The following NUP133 variants were observed in gnomAD, a reference collection of about 807,000 sequenced individuals.
The protein encoded by NUP133 is nucleoporin 133, also known as nuclear pore complex protein Nup133.
In NUP133, 66 loss-of-function variants were observed where a neutral mutation model predicts 146.2. That is an observed-to-expected ratio of 0.45 (90% CI 0.37 to 0.55). The LOEUF is 0.55. Among genes scored for constraint, NUP133 ranks in the 20% least tolerant of loss-of-function variants. The pLI is 0.00. For missense variants in NUP133, 1,277 were observed against 1,374.8 expected (o/e 0.93, Z 1.12); for synonymous variants, 521 against 498.8 (o/e 1.04, Z -0.59).
At chr1:229,447,454 A>C (rs1000204729) in intron 24 of NUP133, among the ~76,000 whole-genome samples, 1 of 151,284 alleles carries the variant, frequency 6.6e-6, no homozygotes. Flanking sequence ...AATCCTTAGG[A>C]TCTCCATAGA....
chr1:229,477,880 G>A (rs972364006), intron 12 of NUP133, 120 bp from the exon 13 acceptor site: 45 of 683,442 alleles, frequency 6.6e-5, no homozygotes, highest in African/African-American at 5.4e-4. Context: ...CCTGTCATTC[G>A]CAACAGTAGG....
Position 229,490,118 on chromosome 1 carries a change from G to A in NUP133, c.1047-16C>T, listed in dbSNP as rs756241989. 6.6e-7 allele frequency: 1 copy of A among 1,523,996 alleles called. No individual in the cohort carries two copies. The highest frequency in any genetic ancestry group is 8.8e-7 in the Non-Finnish European group (1 of 1,130,898). The allele number at this position is 1,523,996 out of a possible 1,614,324, so 94.4% of individuals were successfully genotyped here. A position where few individuals can be genotyped will look rare whatever the true frequency, so the allele number is the denominator to read the frequency against. On this transcript the variant is annotated splice_polypyrimidine_tract_variant and intron_variant, in intron 8 of 25. Coordinates refer to ENST00000261396, the MANE Select transcript of NUP133 (RefSeq NM_018230.3). ...CAGCCCATCACTAATCAATAAAAAA[G>A]GAAGATGTAAAGCCTCTCTAAAAAA...
intron 2 of NUP133, among the ~76,000 whole-genome samples, chr1:229,505,329 G>A: frequency 6.6e-6 from 1 of 151,854 alleles, no homozygotes; most frequent in Non-Finnish European, 1.5e-5. Flanking sequence ...CATCTTTACT[G>A]TTCCTAATTT....
At chr1:229,473,518 C>G (rs1389032570) in intron 14 of NUP133, among the ~76,000 whole-genome samples, 2 of 152,102 alleles carry the variant, frequency 1.3e-5, no homozygotes, top group African/African-American at 4.8e-5. Context: ...GGCTTTCGGG[C>G]CTCTGATAAA....
chr1:229,507,629 T>A (rs1661978010), intron 1 of NUP133, among the ~76,000 whole-genome samples: 1 of 152,242 alleles, frequency 6.6e-6, no homozygotes, highest in Non-Finnish European at 1.5e-5. Context: ...ATGTTAGGCA[T>A]TAAACAATGA....
chr1:229,459,671 T>C (rs756291609), intron 20 of NUP133, among the ~76,000 whole-genome samples: 2 of 152,256 alleles, frequency 1.3e-5, no homozygotes, highest in African/African-American at 2.4e-5. Flanking sequence ...GCTTCATCAA[T>C]GCTGTTGCAA....
chr1:229,487,118 CTCT>C (rs1661371322), intron 10 of NUP133, among the ~76,000 whole-genome samples: 1 of 152,090 alleles, frequency 6.6e-6, no homozygotes, highest in African/African-American at 2.4e-5. Context: ...GCACCTGAAG[CTCT>C]TCTTATCTAG....
chr1:229,471,548 T>C (rs1049085090), intron 14 of NUP133, among the ~76,000 whole-genome samples: 1 of 152,138 alleles, frequency 6.6e-6, no homozygotes, highest in African/African-American at 2.4e-5. Context: ...GGTGGGGGTG[T>C]CTCTAACCCT....
chr1:229,447,583 G>A (rs1293163432), intron 24 of NUP133, among the ~76,000 whole-genome samples: 1 of 151,816 alleles, frequency 6.6e-6, no homozygotes, highest in Admixed American at 6.6e-5. Flanking sequence ...TTTCAGCCCT[G>A]TTCCTCAATA....
At chr1:229,496,646 T>C (rs1661663908) in intron 6 of NUP133, among the ~76,000 whole-genome samples, 1 of 152,118 alleles carries the variant, frequency 6.6e-6, no homozygotes, top group Non-Finnish European at 1.5e-5. Context: ...TACATTGGAA[T>C]GTAGATGACA....
chr1:229,452,526 C>G lies in NUP133; in HGVS notation c.3098G>C (p.Gly1033Ala). The G allele has an allele frequency of 1.2e-6, 2 of 1,609,212 alleles. No individual in the cohort carries two copies. The highest frequency in any genetic ancestry group is 1.7e-6 in the Non-Finnish European group (2 of 1,176,564). Residue 1033 changes from glycine to alanine, a missense_variant and splice_region_variant, in exon 22 of 26, where the codon GGT (glycine) becomes GCT (alanine). By Grantham distance (60) the Gly-to-Ala change is moderately conservative (BLOSUM62 0). Coordinates refer to ENST00000261396, the MANE Select transcript of NUP133 (RefSeq NM_018230.3). The part of the protein sequence containing the change: ...MPVLTAPQLI[G>A]LYICEENRRA... ...GTTAAGGATTTGAAAAGCACATACA[C>G]CAATGAGTTGTGGTGCAGTCAATAC...
chr1:229,486,087 G>C (rs760819153), intron 11 of NUP133, among the ~76,000 whole-genome samples: 1 of 152,192 alleles, frequency 6.6e-6, no homozygotes, highest in East Asian at 1.9e-4. Flanking sequence ...GCTTGATCCC[G>C]GGAGGTTGAG....
chr1:229,454,484 G>A lies in NUP133; in HGVS notation c.2981-1841C>T, dbSNP rs74719874. Among the ~76,000 whole-genome samples the A allele has an allele frequency of 1.4e-3, 219 of 152,280 alleles. 5 individuals carry two copies. The East Asian group carries it at 0.031, about 21-fold the overall frequency. On this transcript the variant is annotated intron_variant, in intron 21 of 25. Transcript: ENST00000261396. Reference sequence around the variant, plus strand: ...CAAAACAGTACCAGTGGCTATCTCCGGGGAGGTAGGACTACAGACAACTTA... The same window carrying A: ...CAAAACAGTACCAGTGGCTATCTCCAGGGAGGTAGGACTACAGACAACTTA...
At chr1:229,505,564 T>TAAAAAAAAA (rs56383157) in intron 2 of NUP133, among the ~76,000 whole-genome samples, 2 of 63,242 alleles carry the variant, frequency 3.2e-5, no homozygotes, top group African/African-American at 5.9e-5. Flanking sequence ...CAATTACAGT[T>TAAAAAAAAA]AAAAAAAAAA....
intron 2 of NUP133, 64 bp from the exon 3 acceptor site, chr1:229,502,166 A>G: frequency 1.6e-6 from 2 of 1,262,264 alleles, no homozygotes; most frequent in South Asian, 2.5e-5. Context: ...CACACGCTTT[A>G]TCAAAAAAAA....
Position 229,506,174 on chromosome 1 carries a change from T to C in NUP133, c.183-16A>G. Reference sequence around the variant, plus strand: ...TGGTGTTCCCCTAAAGAAAAGAGTCTATATTACCTTACTTGTAACTTAAAA... The same window carrying C: ...TGGTGTTCCCCTAAAGAAAAGAGTCCATATTACCTTACTTGTAACTTAAAA... On this transcript the variant is annotated splice_polypyrimidine_tract_variant and intron_variant, in intron 1 of 25. Coordinates refer to ENST00000261396, the MANE Select transcript of NUP133 (RefSeq NM_018230.3). 1 of 1,395,460 alleles carries C rather than the reference T, an allele frequency of 7.2e-7. No homozygotes were observed. The highest frequency in any genetic ancestry group is 1.0e-6 in the Non-Finnish European group (1 of 997,796). 86.4% of individuals were successfully genotyped at this position (1,395,460 alleles called of 1,614,324 possible). A position where few individuals can be genotyped will look rare whatever the true frequency, so the allele number is the denominator to read the frequency against.
At chr1:229,465,029 C>G (rs1404139527) in intron 17 of NUP133, among the ~76,000 whole-genome samples, 154 bp from the exon 18 acceptor site, 6 of 152,172 alleles carry the variant, frequency 3.9e-5, no homozygotes. Flanking sequence ...CTGCTTGAAT[C>G]CCATCTTCTC....
chr1:229,495,387 T>A, intron 8 of NUP133, 108 bp downstream of exon 8: 1 of 744,166 alleles, frequency 1.3e-6, no homozygotes, highest in Non-Finnish European at 2.3e-6. Context: ...TGAGACCCTG[T>A]CTCCAAAGAA....
intron 21 of NUP133, among the ~76,000 whole-genome samples, chr1:229,453,596 C>A (rs1660502934): frequency 6.6e-6 from 1 of 152,250 alleles, no homozygotes; most frequent in African/African-American, 2.4e-5. Context: ...TGATCAGAAT[C>A]ATTTTAACTG....
Sources: allele counts gnomAD v4.1 joint callset (sites outside exome capture counted in the v4.1 genomes callset), GRCh38; gene constraint gnomAD v4.1.1; transcripts MANE v1.5; gene names NCBI Gene and HGNC (gene_info 2026-07-23, HGNC 2026-07-21).